Variants in DCK observed in about 807,000 individuals in gnomAD.
DCK encodes the protein deoxyadenosine kinase.
Under a neutral mutation model 38.3 loss-of-function variants are expected in DCK, and 23 were observed. That is an observed-to-expected ratio of 0.60 (90% CI 0.43 to 0.85). The LOEUF (loss-of-function observed/expected upper bound fraction) is 0.85, where lower values mean the gene tolerates loss of function less well. Ranked by LOEUF, DCK falls within the 40% of genes least tolerant of loss-of-function variation. DCK has a pLI of 0.00. For synonymous variants in DCK, 108 were observed against 100.6 expected (o/e 1.07, Z -0.44); for missense variants, 259 against 304.4 (o/e 0.85, Z 1.11).
At chr4:71,000,355 G>T (rs1739773179) in intron 2 of DCK, among the ~76,000 whole-genome samples, 1 of 152,044 alleles carries the variant, frequency 6.6e-6, no homozygotes, top group Non-Finnish European at 1.5e-5. Flanking sequence ...TATTTCTGAG[G>T]GCTCTGTTCT....
intron 6 of DCK, among the ~76,000 whole-genome samples, chr4:71,027,683 G>A (rs930647525): frequency 6.6e-6 from 1 of 152,110 alleles, no homozygotes; most frequent in Non-Finnish European, 1.5e-5. Flanking sequence ...TGTAACTACT[G>A]TAGCGTATAC....
At chr4:71,016,958 C>T (rs1326397079) in intron 2 of DCK, among the ~76,000 whole-genome samples, 1 of 152,186 alleles carries the variant, frequency 6.6e-6, no homozygotes, top group Non-Finnish European at 1.5e-5. Flanking sequence ...TCAAGAGCTT[C>T]TGCACAGCAA....
intron 5 of DCK, among the ~76,000 whole-genome samples, chr4:71,026,135 C>A (rs1454354833): frequency 1.3e-5 from 2 of 151,844 alleles, no homozygotes; most frequent in African/African-American, 4.8e-5. Flanking sequence ...TAACTAGTAT[C>A]CCTTGGTGGT....
At chr4:71,022,609 A>G in intron 3 of DCK, 49 bp downstream of exon 3, 1 of 1,155,270 alleles carries the variant, frequency 8.7e-7, no homozygotes, top group Non-Finnish European at 1.1e-6. Flanking sequence ...TTATCTTAGA[A>G]CTGGACTTTT....
intron 2 of DCK, among the ~76,000 whole-genome samples, chr4:71,018,072 C>T (rs532459299): frequency 4.0e-5 from 6 of 151,426 alleles, no homozygotes; most frequent in South Asian, 2.1e-4. Flanking sequence ...ATAACCTATT[C>T]GCTTAGCCTT....
chr4:71,026,919 A>T, intron 6 of DCK, 164 bp downstream of exon 6: 1 of 387,104 alleles, frequency 2.6e-6, no homozygotes, highest in Non-Finnish European at 4.7e-6. Context: ...TCCTGACTAA[A>T]TTCTAGCTTT....
intron 2 of DCK, among the ~76,000 whole-genome samples, chr4:71,012,193 C>T (rs573272911): frequency 7.2e-5 from 11 of 152,312 alleles, no homozygotes; most frequent in African/African-American, 2.2e-4. Context: ...TGAGATCCAA[C>T]TGCAAGGCGG....
intron 2 of DCK, among the ~76,000 whole-genome samples, chr4:71,000,725 G>A (rs1322479611): frequency 6.6e-6 from 1 of 152,134 alleles, no homozygotes; most frequent in African/African-American, 2.4e-5. Flanking sequence ...TCTCCTTGAA[G>A]AGGTCCTTCA....
At chr4:71,020,475 T>G (rs1360981989) in intron 2 of DCK, among the ~76,000 whole-genome samples, 1 of 152,210 alleles carries the variant, frequency 6.6e-6, no homozygotes, top group Non-Finnish European at 1.5e-5. Context: ...TTGCAGTATA[T>G]TAGTAGGTGT....
chr4:70,995,482 A>T (rs1560677546), intron 1 of DCK, among the ~76,000 whole-genome samples: 1 of 152,222 alleles, frequency 6.6e-6, no homozygotes, highest in Non-Finnish European at 1.5e-5. Flanking sequence ...CAGGAGGCTG[A>T]GGCAGGAGGA....
intron 2 of DCK, among the ~76,000 whole-genome samples, chr4:71,017,170 C>G (rs1309974921): frequency 6.6e-6 from 1 of 152,126 alleles, no homozygotes; most frequent in Non-Finnish European, 1.5e-5. Flanking sequence ...CCAACAGACA[C>G]ATGAAAAAAT....
rs531912291 is a variant in DCK, at chr4:70,994,075, C to A, written c.91+149C>A. ...ACGCGGCCTCGGCTTCCTTTCCCAC[C>A]CAGAGCATCCTTCCCTTACCTCCCG... On this transcript the variant is annotated intron_variant, in intron 1 of 6. Coordinates refer to ENST00000286648, the MANE Select transcript of DCK (RefSeq NM_000788.3). 132 of 668,362 alleles carry A rather than the reference C, an allele frequency of 2.0e-4. 1 individual carries two copies. In the Middle Eastern group the frequency reaches 4.1e-3, roughly 21 times the overall value. 41.4% of individuals were successfully genotyped at this position (668,362 alleles called of 1,614,324 possible).
chr4:70,994,049 G>T (rs1370231040), intron 1 of DCK, 123 bp downstream of exon 1: 3 of 760,116 alleles, frequency 3.9e-6, no homozygotes, highest in Non-Finnish European at 6.8e-6. Context: ...TGGCGGTGTG[G>T]ACGCGGCCTC....
intron 2 of DCK, among the ~76,000 whole-genome samples, chr4:71,015,809 A>T (rs958332932): frequency 6.6e-6 from 1 of 152,214 alleles, no homozygotes; most frequent in Non-Finnish European, 1.5e-5. Context: ...ATTTATGACA[A>T]ACCCACAGCC....
chr4:70,995,102 A>C (rs994649646), intron 1 of DCK, among the ~76,000 whole-genome samples: 1 of 152,262 alleles, frequency 6.6e-6, no homozygotes, highest in Non-Finnish European at 1.5e-5. Context: ...GAAAAACTGC[A>C]TTCTCAAAGA....
At chr4:71,020,257 T>G (rs1740380026) in intron 2 of DCK, among the ~76,000 whole-genome samples, 2 of 152,250 alleles carry the variant, frequency 1.3e-5, no homozygotes, top group Admixed American at 1.3e-4. Flanking sequence ...CCAGTAAATT[T>G]ATAGGTAGAG....
intron 2 of DCK, among the ~76,000 whole-genome samples, chr4:71,010,037 A>G (rs1740044672): frequency 6.6e-6 from 1 of 152,074 alleles, no homozygotes; most frequent in Non-Finnish European, 1.5e-5. Context: ...GGTCAGTCCT[A>G]CTTTGATGTT....
intron 2 of DCK, among the ~76,000 whole-genome samples, chr4:71,019,104 T>C (rs1170066204): frequency 1.3e-5 from 2 of 152,216 alleles, no homozygotes; most frequent in African/African-American, 4.8e-5. Context: ...AACCAGATAA[T>C]GATACCCTGG....
chr4:71,025,991 T>G (rs1740539282), intron 5 of DCK, 60 bp downstream of exon 5: 12 of 1,446,528 alleles, frequency 8.3e-6, no homozygotes, highest in Non-Finnish European at 1.1e-5. Flanking sequence ...TGTTAAATTT[T>G]AATCTAAAAT....
Sources: gnomAD v4.1 joint callset for allele counts (sites outside exome capture counted in the v4.1 genomes callset) on GRCh38, gnomAD v4.1.1 for gene constraint, MANE v1.5 for transcripts, NCBI Gene and HGNC (gene_info 2026-07-23, HGNC 2026-07-21) for gene names.